Variants in SPEG observed in about 807,000 individuals in gnomAD.
SPEG encodes striated muscle enriched protein kinase.
In SPEG, 114 loss-of-function variants were observed where a neutral mutation model predicts 300.4. The observed-to-expected ratio is 0.38, with a 90% CI of 0.33 to 0.44. The LOEUF is 0.44. Ranked by LOEUF, SPEG falls within the 20% of genes least tolerant of loss-of-function variation. SPEG has a pLI of 1.00. For missense variants in SPEG, 4,201 were observed against 4,586.2 expected, an observed-to-expected ratio of 0.92 and a Z score of 2.43; for synonymous variants, 1,964 against 2,018.9, an observed-to-expected ratio of 0.97 and a Z score of 0.73.
In SPEG at chr2:219,464,979, C is replaced by T. The variant is rs115021469; in HGVS notation, c.2881+371C>T. On this transcript the variant is annotated intron_variant, in intron 9 of 40. Coordinates refer to ENST00000312358, the MANE Select transcript of SPEG (RefSeq NM_005876.5). The surrounding 1 kb of genome is among the most constrained non-coding windows in gnomAD (Gnocchi z 4.5). ...CCCTCCCTCATCCCCCTCCCCCTCT[C>T]CTCTCGCCCCTTTGCCCACCCTCCC... 7.7e-3 allele frequency: 1,436 copies of T among 185,810 alleles called. 14 individuals are homozygous for T. The highest frequency in any genetic ancestry group is 0.017 in the African/African-American group (717 of 42,644). The allele number at this position is 185,810 out of a possible 1,614,324, so 11.5% of individuals were successfully genotyped here. A position where few individuals can be genotyped will look rare whatever the true frequency, so the allele number is the denominator to read the frequency against.
Position 219,492,235 on chromosome 2 carries a change from C to T in SPEG, c.9586C>T (p.Arg3196Ter), listed in dbSNP as rs746906014. The T allele has an allele frequency of 1.9e-6, 3 of 1,613,590 alleles. No homozygotes were observed. Among genetic ancestry groups the T allele is most frequent in the Admixed American group, 1.7e-5 (1 of 60,004 alleles). ...ATCCCAGAGCGCCACCCTCTTCTTG[C>T]GAAAGGTTCTCTCTGTACATCCCTG... Reference protein sequence around the residue: ...NTSQSATLFLRKVLSVHPWSR... With the variant: ...NTSQSATLFL The change falls in exon 40 of 41, where the codon CGA (arginine) becomes TGA (stop). Residue 3196 changes from arginine (R) to a stop codon, truncating the protein, a stop_gained. Transcript: ENST00000312358. LOFTEE classifies it high-confidence loss of function.
chr2:219,489,849 G>A lies in SPEG; in HGVS notation c.8831G>A (p.Ser2944Asn), dbSNP rs1232417241. Reference sequence around the variant, plus strand: ...AAGGAGGTGGTCAGCTCCCCTGGGAGCAGTCCCCGAAGCTCTCCCAGGCCT... The same window carrying A: ...AAGGAGGTGGTCAGCTCCCCTGGGAACAGTCCCCGAAGCTCTCCCAGGCCT... ...PAKEVVSSPG[S>N]SPRSSPRPEG... The change falls in exon 36 of 41, where the codon AGC becomes AAC. Residue 2944 changes from serine (S) to asparagine (N), a missense_variant. Physicochemically the swap from Ser to Asn is conservative, Grantham distance 46. Coordinates refer to ENST00000312358, the MANE Select transcript of SPEG (RefSeq NM_005876.5). The A allele has an allele frequency of 2.5e-6, 4 of 1,612,896 alleles. No individual in the cohort carries two copies. Among genetic ancestry groups the A allele is most frequent in the Non-Finnish European group, 3.4e-6 (4 of 1,179,440 alleles).
rs1292188311 is a variant in SPEG, at chr2:219,484,102, C to A, written c.6639C>A (p.Asp2213Glu). The A allele has an allele frequency of 3.1e-6, 5 of 1,613,620 alleles. No individual in the cohort carries two copies. Among genetic ancestry groups the A allele is most frequent in the Non-Finnish European group, 4.2e-6 (5 of 1,179,960 alleles). Residue 2213 changes from aspartate (D) to glutamate (E), a missense_variant, in exon 30 of 41, where the codon GAC (aspartate) becomes GAA (glutamate). Physicochemically the swap from Asp to Glu is conservative, Grantham distance 45. Around this residue, in one of 4 missense-constraint regions of SPEG, gnomAD observed 1,578 missense variants for 1,506.0 expected, o/e 1.05. Coordinates refer to ENST00000312358, the MANE Select transcript of SPEG (RefSeq NM_005876.5). ...CCCCCGCACCCCAGCCTGCCCAAGA[C>A]AAGGCTCCAGAGCCCAGGCCAGAAC... ...PQPPAPQPAQ[D>E]KAPEPRPEPV...
chr2:219,450,364 A>G (rs1254724273), intron 4 of SPEG, among the ~76,000 whole-genome samples: 3 of 152,246 alleles, frequency 2.0e-5, no homozygotes, highest in Non-Finnish European at 4.4e-5. Context: ...TTTTGTAGCT[A>G]GGAAACAGCA....
At chr2:219,456,908 C>CAAAA (rs61151030) in intron 6 of SPEG, among the ~76,000 whole-genome samples, 1 of 39,612 alleles carries the variant, frequency 2.5e-5, no homozygotes, top group Non-Finnish European at 9.4e-5. Flanking sequence ...GACTCTGTCT[C>CAAAA]AAAAAAAAAA....
Position 219,443,681 on chromosome 2 carries a change from A to C in SPEG, c.389-972A>C, listed in dbSNP as rs967713981. On this transcript the variant is annotated intron_variant, in intron 1 of 40. Coordinates refer to ENST00000312358, the MANE Select transcript of SPEG (RefSeq NM_005876.5). The surrounding 1 kb of genome is among the most constrained non-coding windows in gnomAD (Gnocchi z 4.6). ...GTCAAAGCACAATGCAAATATTGTA[A>C]TAGAGGGTGGGCCTGACTCCTAATG... The C allele has an allele frequency of 9.1e-6, 3 of 328,520 alleles. No homozygotes were observed. Among genetic ancestry groups the C allele is most frequent in the Non-Finnish European group, 1.8e-5 (3 of 166,034 alleles). The allele number at this position is 328,520 out of a possible 1,614,324, so 20.4% of individuals were successfully genotyped here. A position where few individuals can be genotyped will look rare whatever the true frequency, so the allele number is the denominator to read the frequency against.
chr2:219,468,207 G>T (rs557573103), intron 10 of SPEG, among the ~76,000 whole-genome samples: 91 of 150,468 alleles, frequency 6.0e-4, no homozygotes, highest in Middle Eastern at 6.9e-3. Flanking sequence ...GCACAGAGGA[G>T]AATTCTGAGA....
In SPEG at chr2:219,488,685, C is replaced by G. The variant is rs1024586556; in HGVS notation, c.8026+20C>G. On this transcript the variant is annotated intron_variant, in intron 33 of 40. Coordinates refer to ENST00000312358, the MANE Select transcript of SPEG (RefSeq NM_005876.5). ...TGGCCCGTGAGCCTGGGGCAGGGCC[C>G]CAGGGGGGTAGTGATGGGGATGGTG... 1 of 1,603,290 alleles carries G rather than the reference C, an allele frequency of 6.2e-7. No individual in the cohort carries two copies. The highest frequency in any genetic ancestry group is 2.2e-5 in the East Asian group (1 of 44,728).
chr2:219,460,535 C>A (rs1690576351), intron 6 of SPEG: 2 of 985,446 alleles, frequency 2.0e-6, no homozygotes, highest in Non-Finnish European at 2.4e-6. Flanking sequence ...AGGCCCCACA[C>A]CTTGAGTCAA....
In SPEG at chr2:219,443,216, TGTGAGGCA is replaced by T; in HGVS notation, c.389-1436_389-1429del. 6.7e-7 allele frequency: 1 copy of T among 1,492,748 alleles called. No homozygotes were observed. The highest frequency in any genetic ancestry group is 9.3e-7 in the Non-Finnish European group (1 of 1,070,292). 92.5% of individuals were successfully genotyped at this position (1,492,748 alleles called of 1,614,324 possible). A position where few individuals can be genotyped will look rare whatever the true frequency, so the allele number is the denominator to read the frequency against. ...CTCCTCCTCTTGGTCCCTGTCCCTC[TGTGAGGCA>T]TCGAGTTCCTGAAGACAGCCCATGA... On this transcript the variant is annotated intron_variant, in intron 1 of 40. Coordinates refer to ENST00000312358, the MANE Select transcript of SPEG (RefSeq NM_005876.5). The surrounding 1 kb of genome is among the most constrained non-coding windows in gnomAD (Gnocchi z 4.6).
chr2:219,490,772 G>A lies in SPEG; in HGVS notation c.9201G>A (p.Val3067=). 6.2e-7 allele frequency: 1 copy of A among 1,614,138 alleles called. No homozygotes were observed. The highest frequency in any genetic ancestry group is 8.5e-7 in the Non-Finnish European group (1 of 1,180,034). The part of the protein sequence containing the change: ...YSEDDVATYM[V]QLLQGLDYLH... Reference sequence around the variant, plus strand: ...AGGATGACGTGGCCACTTACATGGTGCAGCTGCTACAAGGCCTGGACTACC... The same window carrying A: ...AGGATGACGTGGCCACTTACATGGTACAGCTGCTACAAGGCCTGGACTACC... Residue 3067 remains valine (V), a synonymous_variant, in exon 38 of 41, where the codon GTG becomes GTA. Transcript: ENST00000312358.
chr2:219,465,825 G>T (rs958888295), intron 9 of SPEG: 1 of 606,472 alleles, frequency 1.6e-6, no homozygotes, highest in Non-Finnish European at 3.0e-6. Flanking sequence ...GTGTGCGTGC[G>T]CATGCGTGCG....
chr2:219,443,626 G>C lies in SPEG; in HGVS notation c.389-1027G>C. On this transcript the variant is annotated intron_variant, in intron 1 of 40. Coordinates refer to ENST00000312358, the MANE Select transcript of SPEG (RefSeq NM_005876.5). The surrounding 1 kb of genome is among the most constrained non-coding windows in gnomAD (Gnocchi z 4.6). ...AAGGTGCCTGTCACATCATGATGCAGACAGATAAGGGGTTGGTTTGCAAAG... is the reference window on the plus strand; with the variant it reads ...AAGGTGCCTGTCACATCATGATGCACACAGATAAGGGGTTGGTTTGCAAAG... The C allele has an allele frequency of 3.3e-6, 1 of 300,416 alleles. No individual in the cohort carries two copies. Among genetic ancestry groups the C allele is most frequent in the Middle Eastern group, 1.2e-3 (1 of 818 alleles). 18.6% of individuals were successfully genotyped at this position (300,416 alleles called of 1,614,324 possible). A position where few individuals can be genotyped will look rare whatever the true frequency, so the allele number is the denominator to read the frequency against.
Position 219,489,845 on chromosome 2 carries a change from G to A in SPEG, c.8827G>A (p.Gly2943Arg). The change falls in exon 36 of 41, where the codon GGG (glycine) becomes AGG (arginine). Residue 2943 changes from glycine (G) to arginine (R), a missense_variant. Coordinates refer to ENST00000312358, the MANE Select transcript of SPEG (RefSeq NM_005876.5). ...SPAKEVVSSPGSSPRSSPRPE... is the reference protein window; with the variant it reads ...SPAKEVVSSPRSSPRSSPRPE... ...GGCCAAGGAGGTGGTCAGCTCCCCT[G>A]GGAGCAGTCCCCGAAGCTCTCCCAG... 1 of 1,613,004 alleles carries A rather than the reference G, an allele frequency of 6.2e-7. No homozygotes were observed. The highest frequency in any genetic ancestry group is 2.2e-5 in the East Asian group (1 of 44,854).
At position 219,488,247 on chromosome 2, in the gene SPEG, G is replaced by A. The variant is rs1693624356; in HGVS notation, c.7795G>A (p.Glu2599Lys). 6.2e-7 allele frequency: 1 copy of A among 1,613,516 alleles called. No homozygotes were observed. Among genetic ancestry groups the A allele is most frequent in the Admixed American group, 1.7e-5 (1 of 59,962 alleles). Residue 2599 changes from glutamate to lysine, a missense_variant, in exon 32 of 41, where the codon GAG becomes AAG. This residue lies in a region of SPEG where 1,578 missense variants were observed against 1,506.0 expected (regional missense o/e 1.05). Transcript: ENST00000312358. ...KLKDQVLLEG[E>K]AATLLCLPAA... ...CAAGGACCAGGTGCTGCTGGAGGGGGAGGCAGCCACCCTGCTCTGCCTGCC... is the reference window on the plus strand; with the variant it reads ...CAAGGACCAGGTGCTGCTGGAGGGGAAGGCAGCCACCCTGCTCTGCCTGCC...
Position 219,443,260 on chromosome 2 carries a change from C to T in SPEG, c.389-1393C>T. The stretch of plus-strand genomic sequence containing the variant: ...GAAGACAGCCCATGAGATGTGGAAC[C>T]CTCCCACTCACCCCCACACTTATCT... On this transcript the variant is annotated intron_variant, in intron 1 of 40. Transcript: ENST00000312358. This position sits in a 1 kb window ranked among gnomAD's most constrained non-coding sequence, Gnocchi z 4.6. The T allele has an allele frequency of 9.1e-7, 1 of 1,095,472 alleles. No individual in the cohort carries two copies. Among genetic ancestry groups the T allele is most frequent in the East Asian group, 2.4e-5 (1 of 42,534 alleles). 67.9% of individuals were successfully genotyped at this position (1,095,472 alleles called of 1,614,324 possible).
chr2:219,466,656 T>C, intron 9 of SPEG: 1 of 1,002,478 alleles, frequency 1.0e-6, no homozygotes, highest in East Asian at 1.1e-4. Flanking sequence ...TCTGTGCTGA[T>C]GAACAGCCTG....
intron 15 of SPEG, 109 bp from the exon 16 acceptor site, chr2:219,472,781 G>A (rs1691999878): frequency 1.2e-6 from 1 of 863,264 alleles, no homozygotes; most frequent in South Asian, 1.9e-5. Context: ...AGAGACTGAG[G>A]CACGTCATCA....
intron 40 of SPEG, 87 bp from the exon 41 acceptor site, chr2:219,492,507 A>G: frequency 7.1e-7 from 1 of 1,414,850 alleles, no homozygotes; most frequent in Non-Finnish European, 9.8e-7. Context: ...GGGATCCAGG[A>G]CTGGGACATG....
Sources: gnomAD v4.1 joint callset for allele counts (sites outside exome capture counted in the v4.1 genomes callset) on GRCh38, gnomAD v4.1.1 for gene constraint, gnomAD v4.1.1 regional missense constraint, Gnocchi (gnomAD v3.1) non-coding constraint, MANE v1.5 for transcripts, NCBI Gene and HGNC (gene_info 2026-07-23, HGNC 2026-07-21) for gene names.